The following TBK1 variants were observed in gnomAD, a reference collection of about 807,000 sequenced individuals.
TBK1 encodes the protein TANK binding kinase 1, also known as serine/threonine-protein kinase TBK1.
A neutral mutation model predicts 99.9 loss-of-function variants in TBK1; 37 were observed. That is an observed-to-expected ratio of 0.37 (90% CI 0.28 to 0.49). The LOEUF (loss-of-function observed/expected upper bound fraction) is 0.49, where lower values mean the gene tolerates loss of function less well. Among genes scored for constraint, TBK1 ranks in the 20% least tolerant of loss-of-function variants. The pLI, the probability that TBK1 is intolerant of heterozygous loss-of-function variation, is 0.98. For missense variants in TBK1, 644 were observed against 872.5 expected (o/e 0.74, Z 3.30); for synonymous variants, 258 against 279.8 (o/e 0.92, Z 0.78).
intron 5 of TBK1, among the ~76,000 whole-genome samples, chr12:64,470,142 CA>C (rs1265721122): frequency 1.5e-4 from 23 of 152,244 alleles, no homozygotes; most frequent in Admixed American, 8.5e-4. Flanking sequence ...AAGAAGTGAT[CA>C]GGGGGCTAGC....
chr12:64,460,349 T>C lies in TBK1; in HGVS notation c.228+20T>C. 6.6e-7 allele frequency: 1 copy of C among 1,509,102 alleles called. No homozygotes were observed. The highest frequency in any genetic ancestry group is 8.9e-7 in the Non-Finnish European group (1 of 1,120,434). The allele number at this position is 1,509,102 out of a possible 1,614,324, so 93.5% of individuals were successfully genotyped here. A position where few individuals can be genotyped will look rare whatever the true frequency, so the allele number is the denominator to read the frequency against. On this transcript the variant is annotated intron_variant, in intron 3 of 20. Coordinates refer to ENST00000331710, the MANE Select transcript of TBK1 (RefSeq NM_013254.4). ...GAGGAGGTAAGTAGTAAAACTTCAA[T>C]CTTATATTTATTGTAGTTACGAGTC...
chr12:64,459,276 A>G (rs538481935), intron 2 of TBK1, among the ~76,000 whole-genome samples: 3 of 152,344 alleles, frequency 2.0e-5, no homozygotes, highest in South Asian at 4.1e-4. Context: ...TGGACTGGCC[A>G]CGAGGGAGAG....
At chr12:64,452,327 A>T (rs2040435375) in intron 1 of TBK1, 140 bp downstream of exon 1, 1 of 152,602 alleles carries the variant, frequency 6.6e-6, no homozygotes, top group Non-Finnish European at 1.5e-5. Flanking sequence ...GGGCGGGCGC[A>T]CCGAGAAGCC....
In TBK1 at chr12:64,494,450, G is replaced by C. The variant is rs574504189; in HGVS notation, c.1522-1033G>C. On this transcript the variant is annotated intron_variant, in intron 13 of 20. Transcript: ENST00000331710. ...GCTGAGATTGCACCACTGCACTCCA[G>C]CCTAGGCGACAGAATGAGACTCTGT... Among the ~76,000 whole-genome samples the C allele has an allele frequency of 7.9e-5, 12 of 152,312 alleles. No homozygotes were observed. The South Asian group carries it at 2.5e-3, about 32-fold the overall frequency.
Position 64,466,667 on chromosome 12 carries a change from A to G in TBK1, c.359-234A>G, listed in dbSNP as rs188791806. Among the ~76,000 whole-genome samples the G allele has an allele frequency of 4.9e-3, 752 of 152,156 alleles. 9 individuals are homozygous for G. The highest frequency in any genetic ancestry group is 0.018 in the African/African-American group (736 of 41,552). On this transcript the variant is annotated intron_variant, in intron 4 of 20. Coordinates refer to ENST00000331710, the MANE Select transcript of TBK1 (RefSeq NM_013254.4). ...ATTTTCCTGGTAGTACTTAAGAGAC[A>G]CTGGATTTTTCCTTAGACCACATTA...
intron 10 of TBK1, 144 bp from the exon 11 acceptor site, chr12:64,485,782 A>G (rs952816136): frequency 1.8e-5 from 9 of 490,838 alleles, no homozygotes; most frequent in Non-Finnish European, 2.8e-5. Context: ...ATTTATATCT[A>G]TTTTTAACTC....
At chr12:64,495,321 A>C (rs2040914367) in intron 13 of TBK1, 162 bp from the exon 14 acceptor site, 1 of 840,632 alleles carries the variant, frequency 1.2e-6, no homozygotes, top group Admixed American at 2.9e-5. Flanking sequence ...GTGGAAATCA[A>C]CCTAAGAAAC....
chr12:64,469,709 C>T (rs768020625), intron 5 of TBK1, among the ~76,000 whole-genome samples: 4 of 152,184 alleles, frequency 2.6e-5, no homozygotes, highest in African/African-American at 4.8e-5. Context: ...CAAGCTCAAG[C>T]GCGTGTCCTT....
intron 11 of TBK1, among the ~76,000 whole-genome samples, chr12:64,486,683 C>A (rs915090219): frequency 3.3e-5 from 5 of 151,946 alleles, no homozygotes; most frequent in Non-Finnish European, 7.4e-5. Context: ...ATCAGCCCGC[C>A]TCAGCTGGGA....
intron 1 of TBK1, among the ~76,000 whole-genome samples, chr12:64,454,173 T>G (rs1565809708): frequency 6.6e-6 from 1 of 152,224 alleles, no homozygotes; most frequent in Non-Finnish European, 1.5e-5. Context: ...TTCAAAACAT[T>G]TGAAGGAGGT....
chr12:64,477,866 T>C (rs2040730348), intron 6 of TBK1, among the ~76,000 whole-genome samples: 1 of 151,476 alleles, frequency 6.6e-6, no homozygotes, highest in African/African-American at 2.4e-5. Context: ...AAATAATTAC[T>C]GTGTATAAAG....
rs746578934 is a variant in TBK1 at position 64,466,935 on chromosome 12, A to C, written c.393A>C (p.Ile131=). 5.6e-6 allele frequency: 9 copies of C among 1,610,294 alleles called. No homozygotes were observed. The South Asian group carries it at 8.8e-5, about 16-fold the overall frequency. ...TGAATCATCTACGAGAGAATGGTAT[A>C]GTGCACCGTGATATCAAGCCAGGAA... The part of the protein sequence containing the change: ...GGMNHLRENG[I]VHRDIKPGNI... Residue 131 remains isoleucine (I), a synonymous_variant, in exon 5 of 21, where the codon ATA becomes ATC. Transcript: ENST00000331710.
chr12:64,491,772 C>T (rs2040872269), intron 13 of TBK1, among the ~76,000 whole-genome samples: 4 of 152,110 alleles, frequency 2.6e-5, no homozygotes, highest in Admixed American at 2.6e-4. Context: ...TGTTTCTTTT[C>T]CTCAGTTTTA....
chr12:64,464,788 G>A (rs981924399), intron 4 of TBK1, among the ~76,000 whole-genome samples: 2 of 152,110 alleles, frequency 1.3e-5, no homozygotes, highest in East Asian at 1.9e-4. Context: ...CAAAGGATTC[G>A]CATAGACATT....
chr12:64,469,719 T>C (rs1226734737), intron 5 of TBK1, among the ~76,000 whole-genome samples: 2 of 152,204 alleles, frequency 1.3e-5, no homozygotes, highest in Non-Finnish European at 2.9e-5. Flanking sequence ...CGCGTGTCCT[T>C]CAAATTCAAT....
intron 6 of TBK1, among the ~76,000 whole-genome samples, chr12:64,476,849 T>C (rs1414114058): frequency 6.6e-6 from 1 of 152,194 alleles, no homozygotes; most frequent in Admixed American, 6.5e-5. Flanking sequence ...TTTTTGTATA[T>C]GGTAAGAGGT....
intron 6 of TBK1, among the ~76,000 whole-genome samples, chr12:64,479,258 C>A (rs988264913): frequency 1.3e-5 from 2 of 152,094 alleles, no homozygotes; most frequent in Admixed American, 1.3e-4. Flanking sequence ...GCCATTTATT[C>A]TATTCACTTC....
rs146364170 is a variant in TBK1 at position 64,464,357 on chromosome 12, T to G, written c.252T>G (p.Leu84=). ...EEETTTRHKV[L]IMEFCPCGSL... ...AGACAACAACAAGACATAAAGTACT[T>G]ATTATGGAATTTTGTCCATGTGGGA... Residue 84 remains leucine, a synonymous_variant, in exon 4 of 21, where the codon CTT becomes CTG. Coordinates refer to ENST00000331710, the MANE Select transcript of TBK1 (RefSeq NM_013254.4). 6.2e-7 allele frequency: 1 copy of G among 1,600,812 alleles called. No homozygotes were observed. Among genetic ancestry groups the G allele is most frequent in the East Asian group, 2.2e-5 (1 of 44,664 alleles).
chr12:64,480,804 C>G (rs2040761299), intron 7 of TBK1, among the ~76,000 whole-genome samples: 1 of 152,084 alleles, frequency 6.6e-6, no homozygotes, highest in Non-Finnish European at 1.5e-5. Flanking sequence ...TTCCATTTTT[C>G]TTGAGTGTGG....
Sources: gnomAD v4.1 joint callset for allele counts (sites outside exome capture counted in the v4.1 genomes callset) on GRCh38, gnomAD v4.1.1 for gene constraint, MANE v1.5 for transcripts, NCBI Gene and HGNC (gene_info 2026-07-23, HGNC 2026-07-21) for gene names.